The following ABI3BP variants were observed in gnomAD, a reference collection of about 807,000 sequenced individuals.
The protein encoded by ABI3BP is target of Nesh-SH3.
A neutral mutation model predicts 268.6 loss-of-function variants in ABI3BP; 216 were observed. That is an observed-to-expected ratio of 0.80 (90% confidence interval 0.72 to 0.90). The LOEUF (loss-of-function observed/expected upper bound fraction) is 0.90, where lower values mean the gene tolerates loss of function less well. ABI3BP is among the 40% of genes least tolerant of loss of function. The pLI is 0.00. For missense variants in ABI3BP, 2,090 were observed against 2,182.4 expected, an observed-to-expected ratio of 0.96 and a Z score of 0.84; for synonymous variants, 730 against 730.0, an observed-to-expected ratio of 1.00 and a Z score of 0.00.
intron 65 of ABI3BP, among the ~76,000 whole-genome samples, 177 bp from the exon 66 acceptor site, chr3:100,753,125 T>C (rs962170379): frequency 7.2e-5 from 11 of 152,158 alleles, no homozygotes; most frequent in African/African-American, 2.7e-4. Flanking sequence ...TTTCTGTCAA[T>C]AGATAAATCT....
At chr3:100,858,786 A>G (rs1014334262) in intron 14 of ABI3BP, among the ~76,000 whole-genome samples, 3 of 152,128 alleles carry the variant, frequency 2.0e-5, no homozygotes, top group Non-Finnish European at 4.4e-5. Context: ...TCTGATCATG[A>G]TGGATCAAGA....
intron 9 of ABI3BP, among the ~76,000 whole-genome samples, chr3:100,867,264 G>T (rs549305241): frequency 6.6e-6 from 1 of 152,110 alleles, no homozygotes; most frequent in Admixed American, 6.5e-5. Flanking sequence ...TTGATAAATA[G>T]AATTTCTGGA....
At chr3:100,752,700 A>C (rs368466339) in intron 66 of ABI3BP, 87 bp downstream of exon 66, 3 of 1,453,332 alleles carry the variant, frequency 2.1e-6, no homozygotes, top group East Asian at 2.3e-5. Context: ...TCGTGCCTGA[A>C]ACTCTTAAGA....
In ABI3BP at chr3:100,862,835, T is replaced by TA; in HGVS notation, c.1210+2dup. The TA allele has an allele frequency of 4.6e-6, 7 of 1,532,056 alleles. No homozygotes were observed. The highest frequency in any genetic ancestry group is 4.4e-6 in the Non-Finnish European group (5 of 1,143,584). The allele number at this position is 1,532,056 out of a possible 1,614,324, so 94.9% of individuals were successfully genotyped here. ...AATATTAAATTTAAGGTACTCTTAT[T>TA]ACCCAATGTGCCCCTAGGTTTCTCA... On this transcript the variant is annotated splice_region_variant and intron_variant, in intron 13 of 67. Coordinates refer to ENST00000471714, the MANE Select transcript of ABI3BP (RefSeq NM_001375547.2).
intron 49 of ABI3BP, 59 bp downstream of exon 49, chr3:100,810,353 C>A (rs966947065): frequency 2.7e-5 from 38 of 1,398,260 alleles, no homozygotes; most frequent in Non-Finnish European, 3.5e-5. Flanking sequence ...CTTGAGGTGA[C>A]CATACTGACA....
intron 2 of ABI3BP, among the ~76,000 whole-genome samples, chr3:100,922,523 C>CGACGGTGATGGT (rs1554129988): frequency 1.3e-5 from 2 of 148,588 alleles, no homozygotes; most frequent in Non-Finnish European, 3.0e-5. Flanking sequence ...TGATGTGATG[C>CGACGGTGATGGT]GATGGTGATG....
chr3:100,839,028 C>T lies in ABI3BP; in HGVS notation c.1945+541G>A, dbSNP rs937864181. 4.6e-5 allele frequency among the ~76,000 whole-genome samples: 7 copies of T among 152,098 alleles called. 1 individual carries two copies. In the South Asian group the frequency reaches 1.0e-3, roughly 23 times the overall value. ...TGGGACTTTTAATGCTGTCAAGTTCCAAAGACCATCACTAGTTTTACATTG... is the reference window on the plus strand; with the variant it reads ...TGGGACTTTTAATGCTGTCAAGTTCTAAAGACCATCACTAGTTTTACATTG... On this transcript the variant is annotated intron_variant, in intron 24 of 67. Transcript: ENST00000471714.
At chr3:100,801,874 A>G (rs73152431) in intron 51 of ABI3BP, among the ~76,000 whole-genome samples, 1 of 152,118 alleles carries the variant, frequency 6.6e-6, no homozygotes, top group Non-Finnish European at 1.5e-5. Context: ...GACAAAAAGT[A>G]TAAATGGAAA....
At chr3:100,829,519 TTCTC>T in intron 33 of ABI3BP, 58 bp downstream of exon 33, 1 of 1,431,438 alleles carries the variant, frequency 7.0e-7, no homozygotes, top group Non-Finnish European at 9.5e-7. Flanking sequence ...AGCTACTTCA[TTCTC>T]TTTGGGTCCC....
chr3:100,842,140 A>G lies in ABI3BP; in HGVS notation c.1724-101T>C, dbSNP rs1301933764. The G allele has an allele frequency of 1.2e-5, 12 of 960,798 alleles. No homozygotes were observed. The Admixed American group carries it at 2.2e-4, about 17-fold the overall frequency. The allele number at this position is 960,798 out of a possible 1,614,324, so 59.5% of individuals were successfully genotyped here. On this transcript the variant is annotated intron_variant, in intron 20 of 67. Coordinates refer to ENST00000471714, the MANE Select transcript of ABI3BP (RefSeq NM_001375547.2). ...ATAAACGGAGTTCTCTCCTGGGTGAATGATTAGGTTCTACTGGCTTCTGCC... is the reference window on the plus strand; with the variant it reads ...ATAAACGGAGTTCTCTCCTGGGTGAGTGATTAGGTTCTACTGGCTTCTGCC...
At chr3:100,934,050 G>C (rs2064858674) in intron 1 of ABI3BP, among the ~76,000 whole-genome samples, 1 of 151,952 alleles carries the variant, frequency 6.6e-6, no homozygotes. Context: ...TGTTACATAA[G>C]TATACACGTG....
intron 6 of ABI3BP, among the ~76,000 whole-genome samples, chr3:100,879,714 A>G (rs763037300): frequency 1.3e-5 from 2 of 152,196 alleles, no homozygotes; most frequent in Non-Finnish European, 2.9e-5. Flanking sequence ...GTGCTGCCAA[A>G]AATTAAAAAA....
intron 9 of ABI3BP, among the ~76,000 whole-genome samples, chr3:100,872,940 T>C (rs2099123777): frequency 6.6e-6 from 1 of 152,148 alleles, no homozygotes; most frequent in Admixed American, 6.6e-5. Flanking sequence ...AAAGATATAT[T>C]GGCAAATATT....
chr3:100,834,598 T>C (rs751529361), intron 29 of ABI3BP, 86 bp downstream of exon 29: 94 of 1,275,428 alleles, frequency 7.4e-5, no homozygotes, highest in Non-Finnish European at 1.0e-4. Context: ...AAGGGTCAAG[T>C]GGGTTATAAA....
intron 2 of ABI3BP, among the ~76,000 whole-genome samples, chr3:100,908,007 T>G (rs2054293778): frequency 6.6e-6 from 1 of 151,212 alleles, no homozygotes; most frequent in Admixed American, 6.6e-5. Context: ...TCCCAACTAC[T>G]CGGGAGGCTG....
At chr3:100,796,329 A>C in intron 52 of ABI3BP, 80 bp downstream of exon 52, 2 of 1,173,204 alleles carry the variant, frequency 1.7e-6, no homozygotes, top group Non-Finnish European at 2.4e-6. Flanking sequence ...TATCACAACC[A>C]TTAAAAATAT....
chr3:100,811,316 A>G, intron 47 of ABI3BP, 39 bp from the exon 48 acceptor site: 1 of 1,451,378 alleles, frequency 6.9e-7, no homozygotes, highest in Non-Finnish European at 9.3e-7. Flanking sequence ...AGAAACTGTA[A>G]GATATTAAGC....
chr3:100,912,091 A>G (rs1473367611), intron 2 of ABI3BP: 6 of 653,410 alleles, frequency 9.2e-6, no homozygotes, highest in Admixed American at 2.1e-5. Flanking sequence ...CTTAAGAAGA[A>G]CACCTTCCGT....
chr3:100,837,970 C>A (rs1043091186), intron 26 of ABI3BP, among the ~76,000 whole-genome samples: 1 of 151,806 alleles, frequency 6.6e-6, no homozygotes, highest in Non-Finnish European at 1.5e-5. Flanking sequence ...AGAAAATAGG[C>A]CTAAAAAAGC....
Sources: allele counts gnomAD v4.1 joint callset (sites outside exome capture counted in the v4.1 genomes callset), GRCh38; gene constraint gnomAD v4.1.1; transcripts MANE v1.5; gene names NCBI Gene and HGNC (gene_info 2026-07-23, HGNC 2026-07-21).